Variants in ZC3H18 observed in about 807,000 individuals in gnomAD.
ZC3H18 encodes zinc finger CCCH domain-containing protein 18.
ZC3H18 carries 8 observed loss-of-function variants against 106.1 expected under a neutral mutation model. That is an observed-to-expected ratio of 0.08 (90% CI 0.04 to 0.14). The LOEUF (loss-of-function observed/expected upper bound fraction) is 0.14. Among genes scored for constraint, ZC3H18 ranks in the 10% least tolerant of loss-of-function variants. The pLI is 1.00. For missense variants in ZC3H18, 1,318 were observed against 1,278.4 expected, an observed-to-expected ratio of 1.03 and a Z score of -0.47; for synonymous variants, 635 against 522.1, an observed-to-expected ratio of 1.22 and a Z score of -2.95.
chr16:88,580,411 G>A (rs1915053891), intron 2 of ZC3H18, among the ~76,000 whole-genome samples: 1 of 152,074 alleles, frequency 6.6e-6, no homozygotes. Context: ...GAAGGTCCAC[G>A]CTCAAGAGCC....
Position 88,581,287 on chromosome 16 carries a change from C to G in ZC3H18, c.603+3561C>G, listed in dbSNP as rs559372341. On this transcript the variant is annotated intron_variant, in intron 2 of 17. Coordinates refer to ENST00000301011, the MANE Select transcript of ZC3H18 (RefSeq NM_144604.4). ...AAAGTGCCAAGCCACTGTCCCTGGC[C>G]TGATTTATCATTCTTTTTCAGAAGC... 1.4e-4 allele frequency among the ~76,000 whole-genome samples: 21 copies of G among 152,330 alleles called. 1 individual carries two copies. The South Asian group carries it at 4.4e-3, about 32-fold the overall frequency.
chr16:88,575,400 C>T (rs1034804767), intron 1 of ZC3H18, among the ~76,000 whole-genome samples: 8 of 151,924 alleles, frequency 5.3e-5, no homozygotes, highest in African/African-American at 1.2e-4. Context: ...GCAGTGTGAC[C>T]GTGACATACG....
intron 7 of ZC3H18, among the ~76,000 whole-genome samples, chr16:88,609,749 A>G (rs1373023666): frequency 6.6e-6 from 1 of 151,876 alleles, no homozygotes; most frequent in Non-Finnish European, 1.5e-5. Flanking sequence ...ACAGGTGCCC[A>G]CCATCACACC....
At chr16:88,618,721 G>T (rs1454542630) in intron 8 of ZC3H18, among the ~76,000 whole-genome samples, 1 of 152,242 alleles carries the variant, frequency 6.6e-6, no homozygotes, top group Non-Finnish European at 1.5e-5. Flanking sequence ...ATGGGGGCCA[G>T]ATGATAGCGC....
At chr16:88,588,344 GC>G (rs1915555987) in intron 3 of ZC3H18, among the ~76,000 whole-genome samples, 1 of 152,218 alleles carries the variant, frequency 6.6e-6, no homozygotes, top group South Asian at 2.1e-4. Context: ...AGCTTGACCG[GC>G]CAGTCGGCGT....
At position 88,611,522 on chromosome 16, in the gene ZC3H18, C is replaced by T; in HGVS notation, c.1461C>T (p.Ser487=). 1 of 1,549,934 alleles carries T rather than the reference C, an allele frequency of 6.5e-7. No homozygotes were observed. Among genetic ancestry groups the T allele is most frequent in the Non-Finnish European group, 8.7e-7 (1 of 1,146,654 alleles). Residue 487 remains serine (S), a synonymous_variant, in exon 8 of 18, where the codon TCC becomes TCT. Coordinates refer to ENST00000301011, the MANE Select transcript of ZC3H18 (RefSeq NM_144604.4). ...AGAAGGGGAAGCCCAAGCCCCGCTC[C>T]CCGCAGCCGCCAAGGTAGACCCTGC... ...EKEKGKPKPR[S]PQPPSRQAEP...
chr16:88,616,161 AG>A (rs764326326), intron 8 of ZC3H18, among the ~76,000 whole-genome samples: 2 of 152,206 alleles, frequency 1.3e-5, no homozygotes, highest in Non-Finnish European at 2.9e-5. Flanking sequence ...ACATTCAGGA[AG>A]GGACTGGGAG....
chr16:88,577,110 A>G lies in ZC3H18; in HGVS notation c.-14A>G. On this transcript the variant is annotated splice_region_variant and 5_prime_UTR_variant, in exon 2 of 18. Transcript: ENST00000301011. ...TCAATCTGTATTCTCTCTTTTGCAG[A>G]ACCGTGGGTACCGATGGATGTGGCC... 6.6e-7 allele frequency: 1 copy of G among 1,518,178 alleles called. No individual in the cohort carries two copies. Among genetic ancestry groups the G allele is most frequent in the Non-Finnish European group, 8.8e-7 (1 of 1,132,710 alleles). 94.0% of individuals were successfully genotyped at this position (1,518,178 alleles called of 1,614,324 possible).
intron 3 of ZC3H18, among the ~76,000 whole-genome samples, chr16:88,591,052 G>A (rs1915722323): frequency 6.6e-6 from 1 of 150,406 alleles, no homozygotes; most frequent in Non-Finnish European, 1.5e-5. Context: ...CTCACTGCAA[G>A]CTCTGCCTCC....
intron 2 of ZC3H18, among the ~76,000 whole-genome samples, chr16:88,583,512 C>T (rs548819590): frequency 6.6e-6 from 1 of 152,370 alleles, no homozygotes; most frequent in African/African-American, 2.4e-5. Context: ...GTGACCTGTC[C>T]ACACTCACAG....
intron 13 of ZC3H18, chr16:88,626,663 TTAA>T (rs1380262934): frequency 6.6e-6 from 1 of 151,958 alleles, no homozygotes; most frequent in African/African-American, 2.4e-5. Flanking sequence ...TAAATGTTTC[TTAA>T]TAAGTCTGAA....
rs538829287 is a variant in ZC3H18, at chr16:88,622,505, G to A, written c.1667+117G>A. Reference sequence around the variant, plus strand: ...CAGCCCCACTGTTTGCTGTGGCGTCGTTACCTGCAGACCAGTCAGTGGGAC... The same window carrying A: ...CAGCCCCACTGTTTGCTGTGGCGTCATTACCTGCAGACCAGTCAGTGGGAC... On this transcript the variant is annotated intron_variant, in intron 9 of 17. Transcript: ENST00000301011. 158 of 1,162,226 alleles carry A rather than the reference G, an allele frequency of 1.4e-4. No individual in the cohort carries two copies. In the East Asian group the frequency reaches 3.7e-3, roughly 27 times the overall value. 72.0% of individuals were successfully genotyped at this position (1,162,226 alleles called of 1,614,324 possible).
At chr16:88,597,051 G>A (rs1267236279) in intron 3 of ZC3H18, among the ~76,000 whole-genome samples, 3 of 152,126 alleles carry the variant, frequency 2.0e-5, no homozygotes, top group Admixed American at 2.0e-4. Flanking sequence ...CTCCCAAGTA[G>A]CTGGGACTAC....
chr16:88,624,204 G>A, intron 11 of ZC3H18, 142 bp downstream of exon 11: 1 of 1,152,116 alleles, frequency 8.7e-7, no homozygotes, highest in Non-Finnish European at 1.2e-6. Context: ...GGGGTGACTG[G>A]GCTGGGAGGC....
rs58417387 is a variant in ZC3H18, at chr16:88,603,789, ATTT to A, written c.1088+3856_1088+3858del. 3.0e-3 allele frequency among the ~76,000 whole-genome samples: 411 copies of A among 135,378 alleles called. 2 individuals are homozygous for A. The highest frequency in any genetic ancestry group is 0.019 in the East Asian group (82 of 4,410). 88.8% of individuals were successfully genotyped at this position (135,378 alleles called of 152,430 possible). On this transcript the variant is annotated intron_variant, in intron 6 of 17. Coordinates refer to ENST00000301011, the MANE Select transcript of ZC3H18 (RefSeq NM_144604.4). ...AGGTGCCTGCCACCATGCCCGGCTAATTTTTTTTTTTTTTTTTGTATTTTTAGT... is the reference window on the plus strand; with the variant it reads ...AGGTGCCTGCCACCATGCCCGGCTAATTTTTTTTTTTTTTGTATTTTTAGT...
intron 9 of ZC3H18, chr16:88,622,895 G>C (rs1906052824): frequency 2.7e-6 from 1 of 367,174 alleles, no homozygotes; most frequent in Non-Finnish European, 5.1e-6. Flanking sequence ...AGTGGATGCA[G>C]ATGAACAGAT....
At chr16:88,597,738 C>T (rs1904514984) in intron 3 of ZC3H18, among the ~76,000 whole-genome samples, 1 of 152,200 alleles carries the variant, frequency 6.6e-6, no homozygotes, top group Non-Finnish European at 1.5e-5. Flanking sequence ...GGACCCTGAG[C>T]ACACCTGCAG....
In ZC3H18 at chr16:88,609,018, G is replaced by T; in HGVS notation, c.1173G>T (p.Gln391His). 6.2e-7 allele frequency: 1 copy of T among 1,613,860 alleles called. No individual in the cohort carries two copies. The highest frequency in any genetic ancestry group is 1.1e-5 in the South Asian group (1 of 91,062). ...GACAGTATGAGAATTTCAGGGTGCA[G>T]TATACAGAAACAGAGCCGTATCATA... ...RGGQYENFRVQYTETEPYHNY... is the reference protein window; with the variant it reads ...RGGQYENFRVHYTETEPYHNY... Residue 391 changes from glutamine (Q) to histidine (H), a missense_variant, in exon 7 of 18, where the codon CAG (glutamine) becomes CAT (histidine). By Grantham distance (24) the Gln-to-His change is conservative. Coordinates refer to ENST00000301011, the MANE Select transcript of ZC3H18 (RefSeq NM_144604.4).
At chr16:88,586,762 C>T in intron 3 of ZC3H18, 78 bp downstream of exon 3, 1 of 1,146,646 alleles carries the variant, frequency 8.7e-7, no homozygotes, top group Non-Finnish European at 1.3e-6. Context: ...GCTCACCTTG[C>T]CAGGCCCTGC....
Sources: allele counts gnomAD v4.1 joint callset (sites outside exome capture counted in the v4.1 genomes callset), GRCh38; gene constraint gnomAD v4.1.1; transcripts MANE v1.5; gene names NCBI Gene and HGNC (gene_info 2026-07-23, HGNC 2026-07-21).